Variants in BACH2 observed in about 807,000 individuals in gnomAD.
The protein encoded by BACH2 is transcription regulator protein BACH2.
In BACH2, 5 loss-of-function variants were observed where a neutral mutation model predicts 61.8. The observed-to-expected ratio is 0.08, with a 90% CI of 0.04 to 0.17. BACH2 has a LOEUF of 0.17. Among genes scored for constraint, BACH2 ranks in the 10% least tolerant of loss-of-function variants. The probability of loss-of-function intolerance (pLI) is 1.00; values close to 1 mark genes in which losing one functional copy is unlikely to be tolerated. For synonymous variants in BACH2, 446 were observed against 440.1 expected (o/e 1.01, Z -0.17); for missense variants, 824 against 1,091.1 (o/e 0.76, Z 3.45).
intron 2 of BACH2, among the ~76,000 whole-genome samples, chr6:90,252,979 T>C (rs1480137374): frequency 6.6e-6 from 1 of 152,222 alleles, no homozygotes; most frequent in Admixed American, 6.5e-5. Context: ...GTGCAGTGGC[T>C]CACGCCTATA....
chr6:89,962,370 T>G (rs1372474801), intron 6 of BACH2, among the ~76,000 whole-genome samples: 2 of 152,192 alleles, frequency 1.3e-5, no homozygotes, highest in African/African-American at 2.4e-5. Flanking sequence ...TTTGCCATCC[T>G]CAGTACTACA....
Position 90,100,716 on chromosome 6 carries a change from C to CACACACAG in BACH2, c.-161-11608_-161-11607insCTGTGTGT, listed in dbSNP as rs1562444069. Among the ~76,000 whole-genome samples, 10 of 144,574 alleles carry CACACACAG rather than the reference C, an allele frequency of 6.9e-5. No individual in the cohort carries two copies. The South Asian group carries it at 6.9e-4, about 10-fold the overall frequency. 94.8% of individuals were successfully genotyped at this position (144,574 alleles called of 152,430 possible). ...ACACACACACAGACACACACACACA[C>CACACACAG]ACACACACACAGACACACACACACA... On this transcript the variant is annotated intron_variant, in intron 4 of 8. Coordinates refer to ENST00000257749, the MANE Select transcript of BACH2 (RefSeq NM_021813.4).
intron 4 of BACH2, among the ~76,000 whole-genome samples, chr6:90,202,026 T>C: frequency 6.6e-6 from 1 of 152,258 alleles, no homozygotes; most frequent in Middle Eastern, 3.2e-3. Flanking sequence ...ATTAGGTTTA[T>C]GTTAAAATAT....
chr6:90,121,531 T>A (rs574399159), intron 4 of BACH2, among the ~76,000 whole-genome samples: 1 of 152,306 alleles, frequency 6.6e-6, no homozygotes, highest in East Asian at 1.9e-4. Context: ...AGCCTTTGCA[T>A]TTTATTAATT....
chr6:90,261,659 C>T (rs1771161695), intron 2 of BACH2, among the ~76,000 whole-genome samples: 1 of 152,262 alleles, frequency 6.6e-6, no homozygotes, highest in African/African-American at 2.4e-5. Flanking sequence ...ATCATTCCTT[C>T]TAAAGCTTCT....
intron 6 of BACH2, among the ~76,000 whole-genome samples, chr6:89,974,157 G>A (rs113672627): frequency 0.01 from 1,542 of 152,220 alleles, 10 homozygotes; most frequent in Non-Finnish European, 0.014. Context: ...TCTTACTCTT[G>A]TCATTGAAGC....
chr6:90,008,900 A>G lies in BACH2; in HGVS notation c.-12-44T>C. ...CAAAGAAAGAAAGAAAGAAAGGCTG[A>G]GTCACCACAGCTGTAGGATCAGAGA... On this transcript the variant is annotated intron_variant, in intron 5 of 8. Transcript: ENST00000257749. The surrounding 1 kb of genome is among the most constrained non-coding windows in gnomAD (Gnocchi z 4.1). The G allele has an allele frequency of 1.3e-6, 2 of 1,599,492 alleles. No individual in the cohort carries two copies. The highest frequency in any genetic ancestry group is 2.2e-5 in the South Asian group (2 of 89,686).
chr6:90,130,237 T>A (rs143915595), intron 4 of BACH2, among the ~76,000 whole-genome samples: 2 of 152,110 alleles, frequency 1.3e-5, no homozygotes, highest in African/African-American at 4.8e-5. Context: ...TGAGATGCAG[T>A]GAGAAGTCGT....
chr6:90,193,010 C>G (rs1768627687), intron 4 of BACH2, among the ~76,000 whole-genome samples: 1 of 152,220 alleles, frequency 6.6e-6, no homozygotes, highest in Non-Finnish European at 1.5e-5. Context: ...ATGTGGCCAT[C>G]TAGCACAATC....
chr6:90,062,800 CA>C (rs1780753261), intron 5 of BACH2: 1 of 455,832 alleles, frequency 2.2e-6, no homozygotes, highest in South Asian at 9.4e-5. Context: ...CAGCAATTGA[CA>C]AACTACTCAA....
At chr6:90,146,515 A>G (rs1483959504) in intron 4 of BACH2, among the ~76,000 whole-genome samples, 3 of 152,242 alleles carry the variant, frequency 2.0e-5, no homozygotes, top group African/African-American at 7.2e-5. Context: ...GAAGTGTCTG[A>G]AATGGCTGTA....
intron 5 of BACH2, among the ~76,000 whole-genome samples, chr6:90,063,218 T>C (rs1780776982): frequency 6.6e-6 from 1 of 152,178 alleles, no homozygotes; most frequent in African/African-American, 2.4e-5. Flanking sequence ...AGTGTTGGGT[T>C]TGGAAAGCCT....
At chr6:90,222,975 G>A (rs1769785943) in intron 3 of BACH2, among the ~76,000 whole-genome samples, 1 of 152,176 alleles carries the variant, frequency 6.6e-6, no homozygotes, top group Non-Finnish European at 1.5e-5. Flanking sequence ...ACAGCCAATC[G>A]GAATTAGCTT....
intron 4 of BACH2, among the ~76,000 whole-genome samples, chr6:90,137,536 C>T (rs547153268): frequency 6.6e-6 from 1 of 152,324 alleles, no homozygotes; most frequent in Non-Finnish European, 1.5e-5. Context: ...CCAAACCAGG[C>T]TCCAGTCTCT....
intron 5 of BACH2, among the ~76,000 whole-genome samples, chr6:90,072,279 A>C (rs914051387): frequency 2.6e-5 from 4 of 152,146 alleles, no homozygotes; most frequent in African/African-American, 9.7e-5. Flanking sequence ...ACTTGAGTGA[A>C]CTGTTTGATT....
intron 4 of BACH2, among the ~76,000 whole-genome samples, chr6:90,122,065 C>T (rs1256918338): frequency 6.6e-6 from 1 of 152,148 alleles, no homozygotes; most frequent in Non-Finnish European, 1.5e-5. Flanking sequence ...GCAGCAGAAC[C>T]CTACCATGTG....
At chr6:90,116,191 G>A (rs1783389335) in intron 4 of BACH2, among the ~76,000 whole-genome samples, 1 of 152,146 alleles carries the variant, frequency 6.6e-6, no homozygotes. Context: ...ACACACGCAT[G>A]CAAATGTTCA....
chr6:90,035,101 C>G (rs1284446629), intron 5 of BACH2, among the ~76,000 whole-genome samples: 1 of 152,116 alleles, frequency 6.6e-6, no homozygotes, highest in Admixed American at 6.6e-5. Context: ...TCAAGGGACA[C>G]ACATAATGTA....
rs201011923 is a variant in BACH2 at position 90,136,169 on chromosome 6, G to A, written c.-161-47060C>T. 3.9e-5 allele frequency among the ~76,000 whole-genome samples: 6 copies of A among 152,296 alleles called. No homozygotes were observed. In the East Asian group the frequency reaches 9.7e-4, roughly 25 times the overall value. ...CTGTGCTGTGACTCTGCGCTGTTTT[G>A]TTGTTGCTCACTGCTACGGCTGAGT... On this transcript the variant is annotated intron_variant, in intron 4 of 8. Coordinates refer to ENST00000257749, the MANE Select transcript of BACH2 (RefSeq NM_021813.4).
Sources: allele counts gnomAD v4.1 joint callset (sites outside exome capture counted in the v4.1 genomes callset), GRCh38; gene constraint gnomAD v4.1.1; non-coding constraint Gnocchi (gnomAD v3.1); transcripts MANE v1.5; gene names NCBI Gene and HGNC (gene_info 2026-07-23, HGNC 2026-07-21).